C8orf88: variants seen among roughly 807,000 people sequenced by gnomAD.
The protein encoded by C8orf88 is uncharacterized protein C8orf88.
Under a neutral mutation model 18.4 loss-of-function variants are expected in C8orf88, and 14 were observed. The observed-to-expected ratio is 0.76, with a 90% CI of 0.50 to 1.19. The LOEUF is 1.19. C8orf88 is among the 50% of genes most tolerant of loss of function. C8orf88 has a pLI of 0.00. For synonymous variants in C8orf88, 45 were observed against 42.9 expected, an observed-to-expected ratio of 1.05 and a Z score of -0.19; for missense variants, 116 against 134.7, an observed-to-expected ratio of 0.86 and a Z score of 0.69.
chr8:90,981,377 T>C (rs944063291), intron 1 of C8orf88, among the ~76,000 whole-genome samples: 3 of 152,154 alleles, frequency 2.0e-5, no homozygotes, highest in Non-Finnish European at 4.4e-5. Context: ...CATTCAAGTG[T>C]TTTGTCTATA....
chr8:90,974,590 T>G lies in C8orf88; in HGVS notation c.148-3449A>C, dbSNP rs1386769627. 1.2e-4 allele frequency among the ~76,000 whole-genome samples: 18 copies of G among 152,178 alleles called. 1 individual carries two copies. Among genetic ancestry groups the G allele is most frequent in the Non-Finnish European group, 2.9e-5 (2 of 68,032 alleles). The stretch of plus-strand genomic sequence containing the variant: ...ATGAAAGATAAAAATAAGCTATTGT[T>G]TTAAGCCAAAATTTTCAAATACTTT... On this transcript the variant is annotated intron_variant, in intron 3 of 5. Coordinates refer to ENST00000517562, the MANE Select transcript of C8orf88 (RefSeq NM_001190972.2).
intron 1 of C8orf88, 26 bp from the exon 2 acceptor site, chr8:90,980,487 A>G: frequency 9.5e-7 from 1 of 1,055,952 alleles, no homozygotes; most frequent in Non-Finnish European, 1.4e-6. Flanking sequence ...ATACATTTTT[A>G]TCTTTTGGAC....
intron 4 of C8orf88, among the ~76,000 whole-genome samples, chr8:90,970,641 C>T (rs1811269222): frequency 6.6e-6 from 1 of 152,038 alleles, no homozygotes; most frequent in African/African-American, 2.4e-5. Flanking sequence ...CCGGGTCATA[C>T]TCTTAAGGGA....
At chr8:90,975,576 A>T (rs2130318484) in intron 3 of C8orf88, among the ~76,000 whole-genome samples, 1 of 152,264 alleles carries the variant, frequency 6.6e-6, no homozygotes, top group East Asian at 1.9e-4. Context: ...GGAAAATGTT[A>T]ATTTAAATAC....
intron 3 of C8orf88, among the ~76,000 whole-genome samples, chr8:90,973,596 A>C (rs1245634441): frequency 6.6e-6 from 1 of 151,862 alleles, no homozygotes; most frequent in Admixed American, 6.6e-5. Context: ...CATCCTCCCA[A>C]CTCAGCCTCC....
At chr8:90,977,895 C>T (rs112229147) in intron 3 of C8orf88, among the ~76,000 whole-genome samples, 11 of 151,954 alleles carry the variant, frequency 7.2e-5, no homozygotes, top group Non-Finnish European at 4.4e-5. Context: ...TGCAGTGAGT[C>T]GAGATGGTGC....
At chr8:90,974,258 A>T (rs1445047519) in intron 3 of C8orf88, among the ~76,000 whole-genome samples, 1 of 152,174 alleles carries the variant, frequency 6.6e-6, no homozygotes, top group Non-Finnish European at 1.5e-5. Flanking sequence ...CCAGTCCCAG[A>T]TATTAAGAGA....
rs945766813 is a variant in C8orf88 at position 90,980,704 on chromosome 8, T to C, written c.-26-243A>G. ...CTGACTCTATATTTCTGTTTTTCTT[T>C]TCTTTTGAGGCAGAGTCTCACTCTG... is the stretch of plus-strand genomic sequence containing the variant. On this transcript the variant is annotated intron_variant, in intron 1 of 5. Coordinates refer to ENST00000517562, the MANE Select transcript of C8orf88 (RefSeq NM_001190972.2). Among the ~76,000 whole-genome samples the C allele has an allele frequency of 2.0e-5, 3 of 152,180 alleles. No homozygotes were observed. In the East Asian group the frequency reaches 5.8e-4, roughly 29 times the overall value.
intron 5 of C8orf88, 99 bp from the exon 6 acceptor site, chr8:90,959,129 C>T: frequency 1.9e-6 from 1 of 538,708 alleles, no homozygotes; most frequent in Non-Finnish European, 3.2e-6. Flanking sequence ...CAGGTGTTTA[C>T]AGATTTAAAT....
chr8:90,966,558 C>A (rs1262513301), intron 4 of C8orf88, among the ~76,000 whole-genome samples: 4 of 143,062 alleles, frequency 2.8e-5, no homozygotes, highest in Non-Finnish European at 6.1e-5. Flanking sequence ...TGTCTTTAGG[C>A]GACTCACCAA....
intron 3 of C8orf88, among the ~76,000 whole-genome samples, chr8:90,976,746 C>T (rs1811357035): frequency 6.6e-6 from 1 of 152,012 alleles, no homozygotes; most frequent in South Asian, 2.1e-4. Flanking sequence ...TTATGCTTTA[C>T]AATCAGTTGC....
chr8:90,962,419 C>T (rs910985168), intron 4 of C8orf88, among the ~76,000 whole-genome samples: 1 of 151,452 alleles, frequency 6.6e-6, no homozygotes, highest in Non-Finnish European at 1.5e-5. Context: ...CTCTAAAAGT[C>T]TTTCACTCCA....
At position 90,978,581 on chromosome 8, in the gene C8orf88, T is replaced by C. The variant is rs1459778493; in HGVS notation, c.145A>G (p.Arg49Gly). The stretch of plus-strand genomic sequence containing the variant: ...CTGTTATAATTTCTAAGACTTACTC[T>C]GCTAACTCCACTTTGTATGCACTGA... ...NTQCIQSGVS[R>G]CKTNGMQAFS... Residue 49 changes from arginine to glycine, a missense_variant and splice_region_variant, in exon 3 of 6, where the codon AGA (arginine) becomes GGA (glycine). Arg to Gly is a moderately radical substitution (Grantham distance 125). Coordinates refer to ENST00000517562, the MANE Select transcript of C8orf88 (RefSeq NM_001190972.2). 2 of 1,520,218 alleles carry C rather than the reference T, an allele frequency of 1.3e-6. No individual in the cohort carries two copies. The highest frequency in any genetic ancestry group is 2.0e-5 in the Admixed American group (1 of 50,108). The allele number at this position is 1,520,218 out of a possible 1,614,324, so 94.2% of individuals were successfully genotyped here.
intron 2 of C8orf88, among the ~76,000 whole-genome samples, chr8:90,978,927 G>A (rs1811392095): frequency 6.6e-6 from 1 of 152,152 alleles, no homozygotes; most frequent in Non-Finnish European, 1.5e-5. Context: ...TTGATAAGCA[G>A]TATGCTTATT....
At chr8:90,980,259 T>C (rs1444537163) in intron 2 of C8orf88, 104 bp downstream of exon 2, 3 of 656,416 alleles carry the variant, frequency 4.6e-6, no homozygotes, top group African/African-American at 3.8e-5. Flanking sequence ...ATTATTTCTT[T>C]AAATATCCAC....
At chr8:90,972,084 T>C (rs1278120938) in intron 3 of C8orf88, among the ~76,000 whole-genome samples, 1 of 152,068 alleles carries the variant, frequency 6.6e-6, no homozygotes, top group East Asian at 1.9e-4. Context: ...TTTGGAGACA[T>C]CTATCCTTAA....
intron 4 of C8orf88, among the ~76,000 whole-genome samples, chr8:90,966,117 T>C (rs1811191911): frequency 6.6e-6 from 1 of 151,100 alleles, no homozygotes; most frequent in African/African-American, 2.4e-5. Context: ...TGTCCAACAA[T>C]GATAGACTGG....
intron 1 of C8orf88, among the ~76,000 whole-genome samples, chr8:90,981,946 T>C (rs1011046529): frequency 1.3e-5 from 2 of 152,182 alleles, no homozygotes; most frequent in African/African-American, 2.4e-5. Context: ...AAGTATAAGA[T>C]AGAGTTAGTA....
chr8:90,959,829 A>G (rs1380146469), intron 5 of C8orf88, among the ~76,000 whole-genome samples: 2 of 151,314 alleles, frequency 1.3e-5, no homozygotes, highest in African/African-American at 4.8e-5. Context: ...CTTTACCTAT[A>G]TAAAGGTATT....
Sources: allele counts gnomAD v4.1 joint callset (sites outside exome capture counted in the v4.1 genomes callset), GRCh38; gene constraint gnomAD v4.1.1; transcripts MANE v1.5; gene names NCBI Gene and HGNC (gene_info 2026-07-23, HGNC 2026-07-21).